Variants in RPA3 observed in about 807,000 individuals in gnomAD.
RPA3 encodes the protein replication protein A 14 kDa subunit.
A neutral mutation model predicts 13.7 loss-of-function variants in RPA3; 24 were observed. The observed-to-expected ratio is 1.75, with a 90% confidence interval of 1.27 to 2.46. The LOEUF (loss-of-function observed/expected upper bound fraction) is 2.46, where lower values mean the gene tolerates loss of function less well. Ranked by LOEUF, RPA3 falls within the 30% of genes most tolerant of loss-of-function variation. The pLI is 0.00. For missense variants in RPA3, 183 were observed against 151.0 expected, an observed-to-expected ratio of 1.21 and a Z score of -1.11; for synonymous variants, 59 against 51.2, an observed-to-expected ratio of 1.15 and a Z score of -0.65.
chr7:7,640,522 A>C lies in RPA3; in HGVS notation c.-104T>G. ...GATTTCTCGGCACCAATCAGCGAAGACTAGCGCTCCAGCTTCGCCAATTAA... is the reference window on the plus strand; with the variant it reads ...GATTTCTCGGCACCAATCAGCGAAGCCTAGCGCTCCAGCTTCGCCAATTAA... On this transcript the variant is annotated 5_prime_UTR_variant, in exon 5 of 8. Coordinates refer to ENST00000223129, the MANE Select transcript of RPA3 (RefSeq NM_002947.5). 1.9e-6 allele frequency: 2 copies of C among 1,031,982 alleles called. No homozygotes were observed. Among genetic ancestry groups the C allele is most frequent in the Non-Finnish European group, 1.5e-6 (1 of 674,912 alleles). The allele number at this position is 1,031,982 out of a possible 1,614,324, so 63.9% of individuals were successfully genotyped here.
chr7:7,651,416 C>G (rs28916279), intron 4 of RPA3, among the ~76,000 whole-genome samples: 2,940 of 152,302 alleles, frequency 0.019, 29 homozygotes, highest in Non-Finnish European at 0.028. Flanking sequence ...ACAGGAATGC[C>G]TGTTCCCATT....
intron 4 of RPA3, among the ~76,000 whole-genome samples, chr7:7,651,043 T>G (rs1034261218): frequency 1.3e-5 from 2 of 152,204 alleles, no homozygotes; most frequent in Admixed American, 6.5e-5. Context: ...AACCCCTCTG[T>G]AGCCAAAGAG....
chr7:7,689,561 T>C (rs910810199), intron 2 of RPA3: 3 of 152,222 alleles, frequency 2.0e-5, no homozygotes, highest in African/African-American at 7.2e-5. Context: ...CAGATGTGCT[T>C]ATAATGCTAT....
intron 2 of RPA3, among the ~76,000 whole-genome samples, chr7:7,706,560 A>G (rs1256791741): frequency 6.6e-6 from 1 of 152,218 alleles, no homozygotes; most frequent in Non-Finnish European, 1.5e-5. Context: ...TAAAATTGGA[A>G]AAAATGAGGA....
chr7:7,716,506 C>G (rs1209347574), intron 1 of RPA3, among the ~76,000 whole-genome samples: 2 of 152,156 alleles, frequency 1.3e-5, no homozygotes, highest in Non-Finnish European at 2.9e-5. Flanking sequence ...GTAGCTGTGC[C>G]AATAGTAAAG....
At position 7,695,896 on chromosome 7, in the gene RPA3, A is replaced by G. The variant is rs562007572; in HGVS notation, c.-1027-8568T>C. 3.3e-5 allele frequency among the ~76,000 whole-genome samples: 5 copies of G among 151,518 alleles called. No individual in the cohort carries two copies. In the East Asian group the frequency reaches 9.7e-4, roughly 29 times the overall value. On this transcript the variant is annotated intron_variant, in intron 2 of 7. Transcript: ENST00000223129. The stretch of plus-strand genomic sequence containing the variant: ...CACTAATGGTTGGATTTAGTATCCA[A>G]CCATGGCAGGAGTGTGAAACAGTGA...
chr7:7,637,614 A>C (rs950164437), intron 7 of RPA3, among the ~76,000 whole-genome samples: 3 of 150,990 alleles, frequency 2.0e-5, no homozygotes, highest in African/African-American at 7.3e-5. Context: ...AATTGTATGT[A>C]ATACATACAA....
chr7:7,678,724 T>A (rs1779827134), intron 4 of RPA3, among the ~76,000 whole-genome samples: 2 of 113,466 alleles, frequency 1.8e-5, no homozygotes, highest in Non-Finnish European at 3.3e-5. Flanking sequence ...AGTTTATAAA[T>A]ATATATTTAT....
At chr7:7,693,733 A>G (rs943907556) in intron 2 of RPA3, among the ~76,000 whole-genome samples, 2 of 152,140 alleles carry the variant, frequency 1.3e-5, no homozygotes, top group Non-Finnish European at 2.9e-5. Flanking sequence ...ATATTATATG[A>G]ACGTGAAGTT....
chr7:7,640,265 G>C (rs1784934366), intron 5 of RPA3, 55 bp downstream of exon 5: 1 of 1,555,230 alleles, frequency 6.4e-7, no homozygotes, highest in East Asian at 2.2e-5. Flanking sequence ...TTATCCAGGC[G>C]GGGTCCCTCC....
intron 4 of RPA3, among the ~76,000 whole-genome samples, chr7:7,656,131 G>A (rs1785336569): frequency 6.6e-6 from 1 of 151,848 alleles, no homozygotes. Context: ...CACTGCGCCT[G>A]GCCAGGACAG....
At chr7:7,655,100 G>T (rs1183675080) in intron 4 of RPA3, among the ~76,000 whole-genome samples, 1 of 152,092 alleles carries the variant, frequency 6.6e-6, no homozygotes, top group South Asian at 2.1e-4. Flanking sequence ...AATGATTCCA[G>T]ACAGTTCCTG....
intron 1 of RPA3, among the ~76,000 whole-genome samples, chr7:7,716,496 G>A (rs1780907868): frequency 6.6e-6 from 1 of 152,194 alleles, no homozygotes; most frequent in Non-Finnish European, 1.5e-5. Context: ...GTGAATGCTG[G>A]TAGCTGTGCC....
At chr7:7,690,463 G>A (rs1780147188) in intron 2 of RPA3, among the ~76,000 whole-genome samples, 1 of 151,888 alleles carries the variant, frequency 6.6e-6, no homozygotes, top group Non-Finnish European at 1.5e-5. Flanking sequence ...GAGTTTTAAA[G>A]GTAATGAAAA....
At chr7:7,699,056 G>C (rs569034394) in intron 2 of RPA3, among the ~76,000 whole-genome samples, 2 of 151,038 alleles carry the variant, frequency 1.3e-5, no homozygotes, top group East Asian at 1.9e-4. Context: ...GTGTGGGGGG[G>C]GGGTAGATAC....
chr7:7,699,514 G>A (rs1330868802), intron 2 of RPA3, among the ~76,000 whole-genome samples: 3 of 152,276 alleles, frequency 2.0e-5, no homozygotes, highest in African/African-American at 4.8e-5. Context: ...CAGGAGCAGT[G>A]GAAAGTTTCA....
chr7:7,716,739 A>T (rs1331193937), intron 1 of RPA3, among the ~76,000 whole-genome samples: 1 of 152,176 alleles, frequency 6.6e-6, no homozygotes, highest in African/African-American at 2.4e-5. Context: ...AGGTCAGGAG[A>T]TCGAGACCAT....
At chr7:7,641,336 C>G (rs767086237) in intron 4 of RPA3, among the ~76,000 whole-genome samples, 161 bp from the exon 5 acceptor site, 1 of 152,150 alleles carries the variant, frequency 6.6e-6, no homozygotes, top group Non-Finnish European at 1.5e-5. Context: ...CTGGCCAGTA[C>G]TAGGGGAGAC....
intron 2 of RPA3, among the ~76,000 whole-genome samples, chr7:7,709,605 G>A (rs1029088195): frequency 6.6e-6 from 1 of 152,192 alleles, no homozygotes; most frequent in African/African-American, 2.4e-5. Flanking sequence ...GAAGTCACCT[G>A]TTTGCTCAGA....
Sources: gnomAD v4.1 joint callset for allele counts (sites outside exome capture counted in the v4.1 genomes callset) on GRCh38, gnomAD v4.1.1 for gene constraint, MANE v1.5 for transcripts, NCBI Gene and HGNC (gene_info 2026-07-23, HGNC 2026-07-21) for gene names.